Variants in CNTN4 observed in about 807,000 individuals in gnomAD.
CNTN4 encodes contactin 4, also known as contactin-4.
A neutral mutation model predicts 122.5 loss-of-function variants in CNTN4; 77 were observed. That is an observed-to-expected ratio of 0.63 (90% CI 0.52 to 0.76). CNTN4 has a LOEUF of 0.76. Ranked by LOEUF, CNTN4 falls within the 30% of genes least tolerant of loss-of-function variation. The pLI is 0.00. For missense variants in CNTN4, 1,256 were observed against 1,259.1 expected (o/e 1.00, Z 0.04); for synonymous variants, 512 against 447.0 (o/e 1.15, Z -1.83).
intron 3 of CNTN4, among the ~76,000 whole-genome samples, chr3:2,530,236 A>G (rs903955475): frequency 6.6e-6 from 1 of 152,004 alleles, no homozygotes; most frequent in African/African-American, 2.4e-5. Context: ...TCACTGCTTG[A>G]CAAATATAAT....
At chr3:2,917,891 A>G (rs963792206) in intron 12 of CNTN4, among the ~76,000 whole-genome samples, 6 of 142,572 alleles carry the variant, frequency 4.2e-5, no homozygotes, top group African/African-American at 7.9e-5. Context: ...CAAAACCTCT[A>G]TCAGTCATGT....
chr3:2,147,626 G>C (rs1014509226), intron 2 of CNTN4, among the ~76,000 whole-genome samples: 10 of 152,054 alleles, frequency 6.6e-5, no homozygotes, highest in Non-Finnish European at 1.2e-4. Flanking sequence ...CTCAGTCAGT[G>C]CTTCAATCCC....
rs1299624403 is a variant in CNTN4, at chr3:3,001,459, C to G, written c.1486+12987C>G. Reference sequence around the variant, plus strand: ...GGTGTGTTTAAATGTCAGCTATAGACCAAGGGTTACAAACTGGTAGCTCTC... The same window carrying G: ...GGTGTGTTTAAATGTCAGCTATAGAGCAAGGGTTACAAACTGGTAGCTCTC... On this transcript the variant is annotated intron_variant, in intron 14 of 24. Coordinates refer to ENST00000418658, the MANE Select transcript of CNTN4 (RefSeq NM_175607.3). Among the ~76,000 whole-genome samples the G allele has an allele frequency of 4.6e-5, 7 of 152,180 alleles. No individual in the cohort carries two copies. The East Asian group carries it at 1.3e-3, about 29-fold the overall frequency.
At chr3:2,736,638 T>A (rs2089118921) in intron 5 of CNTN4, among the ~76,000 whole-genome samples, 1 of 150,570 alleles carries the variant, frequency 6.6e-6, no homozygotes, top group Non-Finnish European at 1.5e-5. Context: ...TAATTTTGCA[T>A]TTTTAGTAAA....
intron 4 of CNTN4, among the ~76,000 whole-genome samples, chr3:2,577,417 A>G (rs1336416120): frequency 2.0e-5 from 3 of 152,322 alleles, no homozygotes; most frequent in Non-Finnish European, 4.4e-5. Flanking sequence ...ATATCTATAA[A>G]TATTATCTGG....
chr3:2,644,511 G>A (rs770539334), intron 4 of CNTN4, among the ~76,000 whole-genome samples: 11 of 151,860 alleles, frequency 7.2e-5, no homozygotes, highest in African/African-American at 2.4e-4. Context: ...GCTTTACCCT[G>A]TATCTCTCTG....
chr3:2,499,600 G>A (rs777054792), intron 3 of CNTN4, among the ~76,000 whole-genome samples: 1 of 152,062 alleles, frequency 6.6e-6, no homozygotes, highest in Non-Finnish European at 1.5e-5. Flanking sequence ...CTATGTGTCT[G>A]TCTCTCTGCC....
At chr3:2,668,727 G>A (rs1267772961) in intron 4 of CNTN4, among the ~76,000 whole-genome samples, 1 of 152,124 alleles carries the variant, frequency 6.6e-6, no homozygotes, top group Admixed American at 6.5e-5. Flanking sequence ...TTGGCTGTGG[G>A]TTTGTCATAG....
intron 2 of CNTN4, among the ~76,000 whole-genome samples, chr3:2,264,545 A>G (rs2040965453): frequency 6.6e-6 from 1 of 151,858 alleles, no homozygotes; most frequent in Non-Finnish European, 1.5e-5. Context: ...GTTTGCAAAT[A>G]TTTTCTCCCA....
intron 7 of CNTN4, chr3:2,866,297 G>A (rs969047746): frequency 5.4e-6 from 1 of 183,900 alleles, no homozygotes; most frequent in South Asian, 1.3e-4. Context: ...TGCTATGCAA[G>A]TATGGGGCAT....
intron 2 of CNTN4, among the ~76,000 whole-genome samples, chr3:2,145,173 T>C (rs1170964934): frequency 6.6e-6 from 1 of 152,250 alleles, no homozygotes; most frequent in African/African-American, 2.4e-5. Context: ...TGAAGAGAGT[T>C]TGTGACCCAC....
At chr3:2,888,484 A>G (rs1444284223) in intron 10 of CNTN4, among the ~76,000 whole-genome samples, 1 of 152,014 alleles carries the variant, frequency 6.6e-6, no homozygotes, top group Non-Finnish European at 1.5e-5. Flanking sequence ...GAGGGGTTTC[A>G]TGTCCTCTGG....
chr3:2,366,009 C>A (rs568592495), intron 3 of CNTN4, among the ~76,000 whole-genome samples: 1 of 152,106 alleles, frequency 6.6e-6, no homozygotes, highest in Non-Finnish European at 1.5e-5. Flanking sequence ...TTTATTTATC[C>A]TTTGGGGGTG....
chr3:3,024,318 A>G (rs1406981121), intron 14 of CNTN4, among the ~76,000 whole-genome samples: 1 of 150,584 alleles, frequency 6.6e-6, no homozygotes, highest in Non-Finnish European at 1.5e-5. Context: ...TGACATGTTA[A>G]GTCAAAATGG....
intron 4 of CNTN4, among the ~76,000 whole-genome samples, chr3:2,722,384 C>T (rs907125671): frequency 1.3e-5 from 2 of 152,140 alleles, no homozygotes; most frequent in African/African-American, 4.8e-5. Context: ...CCATTATCCC[C>T]TGTCAGTTAC....
At chr3:2,781,825 C>CGCCA (rs1213946671) in intron 6 of CNTN4, among the ~76,000 whole-genome samples, 1 of 137,082 alleles carries the variant, frequency 7.3e-6, no homozygotes, top group Non-Finnish European at 1.5e-5. Flanking sequence ...CCCGGGTTCC[C>CGCCA]GCCATTCTCC....
chr3:2,490,437 G>A (rs922655974), intron 3 of CNTN4, among the ~76,000 whole-genome samples: 1 of 152,160 alleles, frequency 6.6e-6, no homozygotes. Context: ...TTATGGAGCT[G>A]TAAGAGTTTT....
chr3:2,503,772 G>A (rs2076659945), intron 3 of CNTN4, among the ~76,000 whole-genome samples: 1 of 152,062 alleles, frequency 6.6e-6, no homozygotes, highest in South Asian at 2.1e-4. Flanking sequence ...AGGAAAAATA[G>A]CATGGATTTT....
At chr3:2,745,237 T>G (rs2089689092) in intron 5 of CNTN4, among the ~76,000 whole-genome samples, 1 of 152,172 alleles carries the variant, frequency 6.6e-6, no homozygotes, top group Non-Finnish European at 1.5e-5. Flanking sequence ...GTGGCCCGCC[T>G]TCAAAACAGT....
Sources: gnomAD v4.1 joint callset for allele counts (sites outside exome capture counted in the v4.1 genomes callset) on GRCh38, gnomAD v4.1.1 for gene constraint, MANE v1.5 for transcripts, NCBI Gene and HGNC (gene_info 2026-07-23, HGNC 2026-07-21) for gene names.